Variants in FOXJ3 observed in about 807,000 individuals in gnomAD.
FOXJ3 encodes forkhead box J3.
FOXJ3 carries 22 observed loss-of-function variants against 76.1 expected under a neutral mutation model. The observed-to-expected ratio is 0.29, with a 90% CI of 0.21 to 0.41. The LOEUF is 0.41. FOXJ3 is among the 10% of genes least tolerant of loss of function. The pLI is 1.00. For missense variants in FOXJ3, 613 were observed against 762.1 expected, an observed-to-expected ratio of 0.80 and a Z score of 2.30; for synonymous variants, 269 against 261.2, an observed-to-expected ratio of 1.03 and a Z score of -0.29.
At chr1:42,211,885 G>T (rs1646972473) in intron 5 of FOXJ3, among the ~76,000 whole-genome samples, 1 of 152,154 alleles carries the variant, frequency 6.6e-6, no homozygotes, top group Non-Finnish European at 1.5e-5. Context: ...TTACATCCTG[G>T]AGTACTGGGG....
At chr1:42,233,984 A>C (rs1039066098) in intron 4 of FOXJ3, among the ~76,000 whole-genome samples, 1 of 152,164 alleles carries the variant, frequency 6.6e-6, no homozygotes, top group Non-Finnish European at 1.5e-5. Context: ...TACCTAATTT[A>C]TTGAGAGTTT....
rs374107771 is a variant in FOXJ3 at position 42,299,531 on chromosome 1, T to C, written c.44+11519A>G. 1.1e-4 allele frequency among the ~76,000 whole-genome samples: 16 copies of C among 151,580 alleles called. 1 individual carries two copies. Among genetic ancestry groups the C allele is most frequent in the African/African-American group, 3.6e-4 (15 of 41,354 alleles). On this transcript the variant is annotated intron_variant, in intron 2 of 12. Transcript: ENST00000361346. ...GGGGGGGTCTCTTGCTGGCAGCAGATGGTTGGGTCTTTTTTTTTTTTTTTT... is the reference window on the plus strand; with the variant it reads ...GGGGGGGTCTCTTGCTGGCAGCAGACGGTTGGGTCTTTTTTTTTTTTTTTT...
chr1:42,231,600 T>C (rs1330073993), intron 4 of FOXJ3, among the ~76,000 whole-genome samples: 1 of 152,236 alleles, frequency 6.6e-6, no homozygotes. Context: ...TACTGAACTG[T>C]ACACCTAAAA....
rs754807643 is a variant in FOXJ3, at chr1:42,188,815, G to T, written c.1567C>A (p.His523Asn). ...TTTTGTTGAACATTACTCTGTGAAT[G>T]TATAAGGCCAGTTTGTGTAAAGAAC... ...NQFFTQTGLIHSQSNVQQNVC... is the reference protein window; with the variant it reads ...NQFFTQTGLINSQSNVQQNVC... The change falls in exon 11 of 13, where the codon CAT becomes AAT. Residue 523 changes from histidine (H) to asparagine (N), a missense_variant. Transcript: ENST00000361346. The T allele has an allele frequency of 6.2e-7, 1 of 1,613,208 alleles. No individual in the cohort carries two copies. The highest frequency in any genetic ancestry group is 1.1e-5 in the South Asian group (1 of 90,984).
chr1:42,227,957 A>T lies in FOXJ3; in HGVS notation c.454T>A (p.Trp152Arg). The T allele has an allele frequency of 6.5e-7, 1 of 1,546,862 alleles. No homozygotes were observed. The highest frequency in any genetic ancestry group is 8.8e-7 in the Non-Finnish European group (1 of 1,132,214). The change falls in exon 5 of 13, where the codon TGG (tryptophan) becomes AGG (arginine). Residue 152 changes from tryptophan to arginine, a missense_variant. By Grantham distance (101) the Trp-to-Arg change is moderately radical. Coordinates refer to ENST00000361346, the MANE Select transcript of FOXJ3 (RefSeq NM_014947.5). ...SKDDPGKGSY[W>R]AIDTNPKEDV... is the part of the protein sequence containing the mutation. ...TCCTTCGGATTGGTGTCTATTGCCC[A>T]GTAGGACCCCTAGAGGTAAAGAAAT...
intron 4 of FOXJ3, among the ~76,000 whole-genome samples, chr1:42,243,931 A>T (rs949701650): frequency 1.3e-5 from 2 of 152,204 alleles, no homozygotes; most frequent in African/African-American, 4.8e-5. Context: ...GTCCCAAAAA[A>T]GTCTCAAAAA....
At chr1:42,323,825 G>T in intron 1 of FOXJ3, 1 of 318,170 alleles carries the variant, frequency 3.1e-6, no homozygotes. Context: ...CCACAGGGAA[G>T]AACTAAGAAA....
At chr1:42,199,734 CTT>C (rs1194082413) in intron 6 of FOXJ3, among the ~76,000 whole-genome samples, 4 of 150,218 alleles carry the variant, frequency 2.7e-5, no homozygotes, top group Non-Finnish European at 5.9e-5. Flanking sequence ...TATGATCTAA[CTT>C]TTAAAAAATA....
chr1:42,199,050 T>C (rs1569834570), intron 7 of FOXJ3, 52 bp downstream of exon 7: 3 of 1,449,772 alleles, frequency 2.1e-6, no homozygotes, highest in Non-Finnish European at 2.9e-6. Context: ...TTTGGTTTAG[T>C]TTTAAGTACT....
At chr1:42,312,770 A>G (rs1028680754) in intron 1 of FOXJ3, among the ~76,000 whole-genome samples, 7 of 152,272 alleles carry the variant, frequency 4.6e-5, no homozygotes, top group African/African-American at 1.7e-4. Context: ...GTGGGACACA[A>G]TGTACAAGAT....
intron 4 of FOXJ3, among the ~76,000 whole-genome samples, chr1:42,244,879 G>C (rs1283608425): frequency 6.6e-6 from 1 of 152,084 alleles, no homozygotes; most frequent in Admixed American, 6.6e-5. Context: ...CAATAAGATT[G>C]AATCAGTAAT....
chr1:42,215,610 C>G (rs1481384074), intron 5 of FOXJ3, among the ~76,000 whole-genome samples: 1 of 152,034 alleles, frequency 6.6e-6, no homozygotes, highest in Non-Finnish European at 1.5e-5. Flanking sequence ...ATTCAATTAG[C>G]TCAGTAAACC....
chr1:42,227,637 T>C (rs1200200890), intron 5 of FOXJ3, among the ~76,000 whole-genome samples: 1 of 152,216 alleles, frequency 6.6e-6, no homozygotes, highest in African/African-American at 2.4e-5. Context: ...GAGAGCTGGA[T>C]TCAAGTCTCA....
At chr1:42,261,126 CCT>C (rs1254915149) in intron 4 of FOXJ3, among the ~76,000 whole-genome samples, 1 of 151,280 alleles carries the variant, frequency 6.6e-6, no homozygotes, top group Non-Finnish European at 1.5e-5. Flanking sequence ...TCTGCTTTTC[CCT>C]GATGTAAATA....
intron 2 of FOXJ3, among the ~76,000 whole-genome samples, chr1:42,303,620 A>C (rs948173260): frequency 2.6e-5 from 4 of 152,222 alleles, no homozygotes; most frequent in South Asian, 4.1e-4. Flanking sequence ...TAAGTAGACA[A>C]ATTAGATCAA....
At chr1:42,257,012 AT>A (rs1650646046) in intron 4 of FOXJ3, among the ~76,000 whole-genome samples, 1 of 152,230 alleles carries the variant, frequency 6.6e-6, no homozygotes. Context: ...ACGGAAAAAA[AT>A]CTACTATGCA....
chr1:42,319,297 A>C (rs1318627264), intron 1 of FOXJ3, among the ~76,000 whole-genome samples: 1 of 152,216 alleles, frequency 6.6e-6, no homozygotes, highest in African/African-American at 2.4e-5. Context: ...TGGATGTGTT[A>C]TATCCACATA....
At chr1:42,223,430 C>T (rs1647307434) in intron 5 of FOXJ3, among the ~76,000 whole-genome samples, 1 of 152,150 alleles carries the variant, frequency 6.6e-6, no homozygotes, top group African/African-American at 2.4e-5. Flanking sequence ...TCTAAATATC[C>T]ACACTCCAGC....
At chr1:42,272,710 C>T (rs1651949471) in intron 3 of FOXJ3, among the ~76,000 whole-genome samples, 1 of 152,146 alleles carries the variant, frequency 6.6e-6, no homozygotes, top group African/African-American at 2.4e-5. Context: ...GGAGTATCAG[C>T]AGAATGGATT....
Sources: gnomAD v4.1 joint callset for allele counts (sites outside exome capture counted in the v4.1 genomes callset) on GRCh38, gnomAD v4.1.1 for gene constraint, MANE v1.5 for transcripts, NCBI Gene and HGNC (gene_info 2026-07-23, HGNC 2026-07-21) for gene names.